The following AARS1 variants were observed in gnomAD, a reference collection of about 807,000 sequenced individuals.
The protein encoded by AARS1 is alanyl-tRNA synthetase 1.
In AARS1, 72 loss-of-function variants were observed where a neutral mutation model predicts 108.9. The observed-to-expected ratio is 0.66, with a 90% CI of 0.55 to 0.80. AARS1 has a LOEUF of 0.80. AARS1 is among the 30% of genes least tolerant of loss of function. AARS1 has a pLI of 0.00. For missense variants in AARS1, 1,193 were observed against 1,233.2 expected, an observed-to-expected ratio of 0.97 and a Z score of 0.49; for synonymous variants, 489 against 465.7, an observed-to-expected ratio of 1.05 and a Z score of -0.64.
chr16:70,264,499 T>A (rs1960217848), intron 11 of AARS1, among the ~76,000 whole-genome samples: 1 of 151,854 alleles, frequency 6.6e-6, no homozygotes, highest in Non-Finnish European at 1.5e-5. Context: ...GTATTTTTAG[T>A]AGAGATGGGG....
intron 5 of AARS1, among the ~76,000 whole-genome samples, chr16:70,271,492 C>T (rs1960401130): frequency 6.6e-6 from 1 of 151,530 alleles, no homozygotes; most frequent in South Asian, 2.1e-4. Flanking sequence ...CACACCATTG[C>T]ACTCCAGCCT....
intron 1 of AARS1, among the ~76,000 whole-genome samples, chr16:70,285,790 C>A: frequency 6.6e-6 from 1 of 152,176 alleles, no homozygotes; most frequent in Non-Finnish European, 1.5e-5. Flanking sequence ...CCATGCTGCC[C>A]ACGCTGGTCT....
Position 70,252,803 on chromosome 16 carries a change from C to T in AARS1, c.2825G>A (p.Gly942Asp). 6.2e-7 allele frequency: 1 copy of T among 1,614,224 alleles called. No homozygotes were observed. Among genetic ancestry groups the T allele is most frequent in the Non-Finnish European group, 8.5e-7 (1 of 1,180,038 alleles). The change falls in exon 21 of 21, where the codon GGC (glycine) becomes GAC (aspartate). Residue 942 changes from glycine to aspartate, a missense_variant. Physicochemically the swap from Gly to Asp is moderately conservative, Grantham distance 94. Coordinates refer to ENST00000261772, the MANE Select transcript of AARS1 (RefSeq NM_001605.3). ...GGKDVSAQATGKNVGCLQEAL... is the reference protein window; with the variant it reads ...GGKDVSAQATDKNVGCLQEAL... Reference sequence around the variant, plus strand: ...CTCCTGCAGGCAGCCAACGTTCTTGCCTGTGGCCTGTGCAGACACATCCTT... The same window carrying T: ...CTCCTGCAGGCAGCCAACGTTCTTGTCTGTGGCCTGTGCAGACACATCCTT...
rs184875464 is a variant in AARS1, at chr16:70,288,328, C to T, written c.-22+1093G>A. ...GTTTCACCGTGTTAGCCAGGATGGT[C>T]TCAATCTCCTGACCTCGTGATCTGC... On this transcript the variant is annotated intron_variant, in intron 1 of 20. Coordinates refer to ENST00000261772, the MANE Select transcript of AARS1 (RefSeq NM_001605.3). Among the ~76,000 whole-genome samples the T allele has an allele frequency of 5.1e-3, 765 of 151,268 alleles. 5 individuals are homozygous for T. The Middle Eastern group carries it at 0.055, about 11-fold the overall frequency.
At position 70,268,133 on chromosome 16, in the gene AARS1, A is replaced by T. The variant is rs1275242258; in HGVS notation, c.1071+138T>A. On this transcript the variant is annotated intron_variant, in intron 8 of 20. Coordinates refer to ENST00000261772, the MANE Select transcript of AARS1 (RefSeq NM_001605.3). ...CAGTGAGCCAAGATCACTCTATTGC[A>T]CTCCAGCGTGGGTGACAGAGTGAGA... 4 of 830,072 alleles carry T rather than the reference A, an allele frequency of 4.8e-6. No individual in the cohort carries two copies. The African/African-American group carries it at 6.8e-5, about 14-fold the overall frequency. 51.4% of individuals were successfully genotyped at this position (830,072 alleles called of 1,614,324 possible). A position where few individuals can be genotyped will look rare whatever the true frequency, so the allele number is the denominator to read the frequency against.
chr16:70,254,334 G>C lies in AARS1; in HGVS notation c.2400+287C>G. 5.1e-6 allele frequency: 3 copies of C among 582,986 alleles called. No homozygotes were observed. In the East Asian group the frequency reaches 8.9e-5, roughly 17 times the overall value. 36.1% of individuals were successfully genotyped at this position (582,986 alleles called of 1,614,324 possible). ...ATGCAAATAAATACCAGGCAGGCTT[G>C]GAAGCAGGGGCCAGCCTTAGCCCAT... On this transcript the variant is annotated intron_variant, in intron 17 of 20. Transcript: ENST00000261772.
At chr16:70,274,175 GAA>G (rs771914676) in intron 4 of AARS1, among the ~76,000 whole-genome samples, 1 of 101,768 alleles carries the variant, frequency 9.8e-6, no homozygotes, top group African/African-American at 3.6e-5. Context: ...TCTCTACTAA[GAA>G]AAAAAAAAAA....
Position 70,289,475 on chromosome 16 carries a change from C to A in AARS1, c.-76G>T, listed in dbSNP as rs1252446586. On this transcript the variant is annotated 5_prime_UTR_variant, in exon 1 of 21. Coordinates refer to ENST00000261772, the MANE Select transcript of AARS1 (RefSeq NM_001605.3). The stretch of plus-strand genomic sequence containing the variant: ...CCCTCAGAGTCCCCCGCCAAGGGCC[C>A]GCTGCACCTATTCCCGCAGACGCGC... 2.3e-6 allele frequency: 1 copy of A among 434,892 alleles called. No individual in the cohort carries two copies. Among genetic ancestry groups the A allele is most frequent in the Admixed American group, 2.4e-5 (1 of 41,452 alleles). The allele number at this position is 434,892 out of a possible 1,614,324, so 26.9% of individuals were successfully genotyped here. A position where few individuals can be genotyped will look rare whatever the true frequency, so the allele number is the denominator to read the frequency against.
In AARS1 at chr16:70,262,484, C is replaced by T. The variant is rs375230340; in HGVS notation, c.1533G>A (p.Arg511=). The T allele has an allele frequency of 5.3e-5, 85 of 1,614,024 alleles. No individual in the cohort carries two copies. Among genetic ancestry groups the T allele is most frequent in the Non-Finnish European group, 7.1e-5 (84 of 1,180,024 alleles). The part of the protein sequence containing the change: ...NTVATVMALR[R]EKMFVEEVST... ...ACACCTCTTCCACGAACATCTTCTC[C>T]CTGCGCAGAGCCATCACCGTAGCCA... is the stretch of plus-strand genomic sequence containing the variant. The change falls in exon 12 of 21, where the codon AGG becomes AGA. Residue 511 remains arginine (R), a synonymous_variant. Coordinates refer to ENST00000261772, the MANE Select transcript of AARS1 (RefSeq NM_001605.3).
At chr16:70,281,880 G>T (rs1382939464) in intron 2 of AARS1, among the ~76,000 whole-genome samples, 5 of 151,558 alleles carry the variant, frequency 3.3e-5, no homozygotes, top group African/African-American at 4.8e-5. Context: ...GGCCGGGCGT[G>T]GTGGCTCATG....
chr16:70,255,493 C>T (rs973682149), intron 16 of AARS1, among the ~76,000 whole-genome samples: 36 of 152,050 alleles, frequency 2.4e-4, no homozygotes, highest in African/African-American at 8.0e-4. Context: ...CCACTGCGTC[C>T]GGCCTGATTC....
At chr16:70,270,370 A>C (rs1020157603) in intron 5 of AARS1, 30 bp from the exon 6 acceptor site, 1 of 1,614,012 alleles carries the variant, frequency 6.2e-7, no homozygotes, top group Non-Finnish European at 8.5e-7. Context: ...AGGAGGTTGA[A>C]GCAGAGACTC....
At position 70,262,287 on chromosome 16, in the gene AARS1, C is replaced by G. The variant is rs1482812903; in HGVS notation, c.1671+59G>C. The stretch of plus-strand genomic sequence containing the variant: ...GGCCTGGAGCACTGTGGGGCAAAAG[C>G]AGCTCCCCGGCTCCACGCCTGGCCC... On this transcript the variant is annotated intron_variant, in intron 12 of 20. Transcript: ENST00000261772. 1.8e-5 allele frequency: 29 copies of G among 1,605,520 alleles called. No homozygotes were observed. The South Asian group carries it at 2.5e-4, about 14-fold the overall frequency.
chr16:70,253,020 C>T, intron 20 of AARS1, 114 bp from the exon 21 acceptor site: 1 of 1,231,502 alleles, frequency 8.1e-7, no homozygotes, highest in Non-Finnish European at 1.2e-6. Flanking sequence ...GGTGATACTG[C>T]TGGAGGCCGA....
Position 70,261,082 on chromosome 16 carries a change from G to C in AARS1, c.1747C>G (p.Leu583Val). The C allele has an allele frequency of 1.2e-6, 2 of 1,613,786 alleles. No individual in the cohort carries two copies. The highest frequency in any genetic ancestry group is 8.5e-7 in the Non-Finnish European group (1 of 1,179,860). The change falls in exon 13 of 21, where the codon CTG (leucine) becomes GTG (valine). Residue 583 changes from leucine to valine, a missense_variant. Leu to Val is a conservative substitution (Grantham distance 32). Transcript: ENST00000261772. ...AGCCAGACCTGATCCCCCACTTTCA[G>C]GTCACCGTAGATGGTTCCAATGTGT... ...VLHIGTIYGD[L>V]KVGDQVWLFI...
chr16:70,284,614 C>T (rs1350496155), intron 1 of AARS1, among the ~76,000 whole-genome samples: 1 of 152,010 alleles, frequency 6.6e-6, no homozygotes, highest in Non-Finnish European at 1.5e-5. Flanking sequence ...CAAACAAAAA[C>T]AAAAACAGCT....
chr16:70,272,283 T>C (rs112984536), intron 4 of AARS1, among the ~76,000 whole-genome samples: 6 of 151,968 alleles, frequency 3.9e-5, no homozygotes, highest in African/African-American at 1.4e-4. Context: ...GGCGGGCGGA[T>C]CACCTGAGGT....
At chr16:70,268,209 C>A (rs760926250) in intron 8 of AARS1, 62 bp downstream of exon 8, 1 of 1,463,754 alleles carries the variant, frequency 6.8e-7, no homozygotes, top group Non-Finnish European at 9.6e-7. Flanking sequence ...ATGCCCTCTC[C>A]CACTCCATCC....
rs34087264 is a variant in AARS1, at chr16:70,289,223, C to T, written c.-22+198G>A. 0.42 allele frequency among the ~76,000 whole-genome samples: 64,270 copies of T among 151,838 alleles called. 13,687 individuals are homozygous for T. The highest frequency in any genetic ancestry group is 0.43 in the Non-Finnish European group (29,149 of 67,914). On this transcript the variant is annotated intron_variant, in intron 1 of 20. Transcript: ENST00000261772. ...GAGGTATTGGTGCTCAGCAAATCCA[C>T]CCGAGGCCGCGACACTCGCAGCGCT... is the stretch of plus-strand genomic sequence containing the variant.
Sources: gnomAD v4.1 joint callset for allele counts (sites outside exome capture counted in the v4.1 genomes callset) on GRCh38, gnomAD v4.1.1 for gene constraint, MANE v1.5 for transcripts, NCBI Gene and HGNC (gene_info 2026-07-23, HGNC 2026-07-21) for gene names.